Variants in NBAS observed in about 807,000 individuals in gnomAD.
The protein encoded by NBAS is NBAS subunit of NRZ tethering complex, also known as NAG/BC035112 fusion.
Under a neutral mutation model 302.5 loss-of-function variants are expected in NBAS, and 219 were observed. The ratio of observed to expected loss-of-function variants is 0.72; its 90% CI spans 0.65 to 0.81. NBAS has a LOEUF of 0.81. Among genes scored for constraint, NBAS ranks in the 30% least tolerant of loss-of-function variants. The pLI is 0.00. For missense variants in NBAS, 2,932 were observed against 2,841.6 expected, an observed-to-expected ratio of 1.03 and a Z score of -0.72; for synonymous variants, 1,118 against 1,021.6, an observed-to-expected ratio of 1.09 and a Z score of -1.80.
the NBAS span, among the ~76,000 whole-genome samples, chr2:15,091,814 T>G: frequency 6.6e-6 from 1 of 152,258 alleles, no homozygotes; most frequent in East Asian, 1.9e-4. Flanking sequence ...ATTACAGGTA[T>G]GAGCTACCGC....
At chr2:14,944,340 G>T in the NBAS span, among the ~76,000 whole-genome samples, 1 of 134,486 alleles carries the variant, frequency 7.4e-6, no homozygotes, top group African/African-American at 3.0e-5. Flanking sequence ...ACAAAAAACT[G>T]CTAATCCCTG....
At chr2:15,363,970 C>T (rs1007840614) in intron 32 of NBAS, among the ~76,000 whole-genome samples, 3 of 152,118 alleles carry the variant, frequency 2.0e-5, no homozygotes, top group Non-Finnish European at 2.9e-5. Context: ...AACCAGCTGC[C>T]GTGCTGAGAG....
the NBAS span, among the ~76,000 whole-genome samples, chr2:15,027,065 A>G: frequency 1.3e-5 from 2 of 152,150 alleles, no homozygotes; most frequent in African/African-American, 2.4e-5. Context: ...CTTCTCATGG[A>G]TATTTTCTCT....
intron 44 of NBAS, among the ~76,000 whole-genome samples, chr2:15,272,773 A>G (rs151240365): frequency 1.3e-3 from 198 of 152,348 alleles, no homozygotes; most frequent in African/African-American, 4.3e-3. Context: ...ATCTTTACTG[A>G]GTCAGGTGCA....
chr2:15,417,733 T>C (rs1023376735), intron 23 of NBAS, 21 bp from the exon 24 acceptor site: 36 of 1,606,634 alleles, frequency 2.2e-5, no homozygotes, highest in Non-Finnish European at 2.9e-5. Flanking sequence ...AAAGCAACAA[T>C]AAGTTCCTGA....
At chr2:15,523,065 C>T (rs1453098333) in intron 9 of NBAS, among the ~76,000 whole-genome samples, 1 of 152,172 alleles carries the variant, frequency 6.6e-6, no homozygotes, top group African/African-American at 2.4e-5. Context: ...ACATATCGAG[C>T]AATTCAACTT....
At chr2:15,501,844 C>T (rs1348741985) in intron 11 of NBAS, among the ~76,000 whole-genome samples, 2 of 151,754 alleles carry the variant, frequency 1.3e-5, no homozygotes, top group Non-Finnish European at 2.9e-5. Flanking sequence ...CTCACTGCAG[C>T]CTCGACCTCC....
chr2:15,555,254 CCT>C (rs1395383522), intron 3 of NBAS, among the ~76,000 whole-genome samples: 2 of 147,034 alleles, frequency 1.4e-5, no homozygotes, highest in African/African-American at 5.2e-5. Context: ...ACAATAAGAC[CCT>C]CTCTTAAAAA....
chr2:15,217,953 G>A (rs1666726617), intron 48 of NBAS, among the ~76,000 whole-genome samples: 1 of 152,138 alleles, frequency 6.6e-6, no homozygotes, highest in Admixed American at 6.5e-5. Context: ...CATTAAGCTT[G>A]CAATGGTTAG....
At chr2:15,052,737 C>T in the NBAS span, among the ~76,000 whole-genome samples, 1 of 152,086 alleles carries the variant, frequency 6.6e-6, no homozygotes, top group East Asian at 1.9e-4. Context: ...TGATAAGTTG[C>T]ATATTAAAAA....
At chr2:15,149,748 C>T in the NBAS span, among the ~76,000 whole-genome samples, 1 of 152,148 alleles carries the variant, frequency 6.6e-6, no homozygotes, top group African/African-American at 2.4e-5. Context: ...AGGTGTAAGC[C>T]ACCACACCCA....
At chr2:15,377,520 T>C (rs1411034450) in intron 30 of NBAS, among the ~76,000 whole-genome samples, 1 of 152,236 alleles carries the variant, frequency 6.6e-6, no homozygotes, top group Non-Finnish European at 1.5e-5. Flanking sequence ...AAGCCTACTA[T>C]TATCCACATT....
At chr2:15,155,779 C>T in the NBAS span, among the ~76,000 whole-genome samples, 1 of 152,178 alleles carries the variant, frequency 6.6e-6, no homozygotes, top group Non-Finnish European at 1.5e-5. Context: ...ACACATAAAA[C>T]TGACTGTTGA....
rs965997510 is a variant in NBAS, at chr2:15,185,782, A to T, written c.6711+960T>A. Among the ~76,000 whole-genome samples the T allele has an allele frequency of 4.6e-5, 7 of 152,202 alleles. No homozygotes were observed. In the South Asian group the frequency reaches 6.2e-4, roughly 14 times the overall value. On this transcript the variant is annotated intron_variant, in intron 50 of 51. Transcript: ENST00000281513. The stretch of plus-strand genomic sequence containing the variant: ...TGGATAAAATATTTCAAAAATCAAT[A>T]AAAAAAATCCAAGCCCTCATTCAGA...
chr2:15,026,018 G>C, the NBAS span, among the ~76,000 whole-genome samples: 1 of 152,132 alleles, frequency 6.6e-6, no homozygotes, highest in African/African-American at 2.4e-5. Context: ...GGAGTGTTGA[G>C]AGTAGACATC....
chr2:15,221,321 C>T (rs1308707848), intron 47 of NBAS, among the ~76,000 whole-genome samples: 2 of 152,200 alleles, frequency 1.3e-5, no homozygotes, highest in Non-Finnish European at 2.9e-5. Flanking sequence ...AAGAGTGTGT[C>T]ACCTGGAGTC....
In NBAS at chr2:15,369,712, G is replaced by C. The variant is rs147266786; in HGVS notation, c.3704-3019C>G. Among the ~76,000 whole-genome samples, 776 of 152,256 alleles carry C rather than the reference G, an allele frequency of 5.1e-3. 9 individuals carry two copies. Among genetic ancestry groups the C allele is most frequent in the African/African-American group, 0.017 (719 of 41,564 alleles). On this transcript the variant is annotated intron_variant, in intron 31 of 51. Transcript: ENST00000281513. ...TGAATGAATGAACATGAAAAAGATA[G>C]GCATGTACGTACCTTTTAATAATTA...
At chr2:14,866,253 G>T in the NBAS span, among the ~76,000 whole-genome samples, 1 of 152,076 alleles carries the variant, frequency 6.6e-6, no homozygotes, top group Admixed American at 6.6e-5. Context: ...TTAGTGACTA[G>T]CAATTCTGGG....
the NBAS span, among the ~76,000 whole-genome samples, chr2:14,807,195 T>G: frequency 2.0e-5 from 3 of 152,146 alleles, no homozygotes; most frequent in Non-Finnish European, 4.4e-5. Context: ...ATTTTTTAAA[T>G]TTCTCAATCA....
Sources: gnomAD v4.1 joint callset for allele counts (sites outside exome capture counted in the v4.1 genomes callset) on GRCh38, gnomAD v4.1.1 for gene constraint, MANE v1.5 for transcripts, NCBI Gene and HGNC (gene_info 2026-07-23, HGNC 2026-07-21) for gene names.